SYT14: variants seen among roughly 807,000 people sequenced by gnomAD.
SYT14 encodes synaptotagmin 14.
A neutral mutation model predicts 74.2 loss-of-function variants in SYT14; 32 were observed. That is an observed-to-expected ratio of 0.43 (90% confidence interval 0.33 to 0.58). SYT14 has a LOEUF of 0.58. Ranked by LOEUF, SYT14 falls within the 20% of genes least tolerant of loss-of-function variation. The probability of loss-of-function intolerance (pLI) is 0.05; values close to 1 mark genes in which losing one functional copy is unlikely to be tolerated. For synonymous variants in SYT14, 298 were observed against 337.7 expected (o/e 0.88, Z 1.29); for missense variants, 791 against 981.8 (o/e 0.81, Z 2.60).
intron 1 of SYT14, among the ~76,000 whole-genome samples, chr1:209,950,028 T>G (rs981200831): frequency 6.6e-6 from 1 of 152,160 alleles, no homozygotes; most frequent in South Asian, 2.1e-4. Flanking sequence ...TAGAATGTAG[T>G]AGTTTTTATT....
chr1:209,994,215 AG>A (rs1388682263), intron 2 of SYT14, among the ~76,000 whole-genome samples: 2 of 152,238 alleles, frequency 1.3e-5, no homozygotes, highest in African/African-American at 4.8e-5. Context: ...ATTGAGATTC[AG>A]GAGATAGTTG....
intron 2 of SYT14, among the ~76,000 whole-genome samples, chr1:210,009,810 C>G (rs1050401510): frequency 6.6e-6 from 1 of 152,158 alleles, no homozygotes; most frequent in African/African-American, 2.4e-5. Context: ...CTACTTTCCT[C>G]TTTCCTCCCA....
At chr1:209,995,727 C>T (rs1042462684) in intron 2 of SYT14, among the ~76,000 whole-genome samples, 2 of 152,050 alleles carry the variant, frequency 1.3e-5, no homozygotes, top group South Asian at 2.1e-4. Context: ...CCAGCACCTG[C>T]TCAGTCATAA....
chr1:209,997,321 C>A (rs1175055542), intron 2 of SYT14, among the ~76,000 whole-genome samples: 2 of 151,988 alleles, frequency 1.3e-5, no homozygotes, highest in African/African-American at 2.4e-5. Context: ...TTTCTATACA[C>A]CAATAATGCC....
At chr1:209,966,998 C>T (rs2079167637) in intron 2 of SYT14, among the ~76,000 whole-genome samples, 1 of 150,000 alleles carries the variant, frequency 6.7e-6, no homozygotes, top group Non-Finnish European at 1.5e-5. Context: ...GAGGAACTCC[C>T]TTTTTATTCC....
intron 5 of SYT14, among the ~76,000 whole-genome samples, chr1:210,052,083 A>C (rs2081007061): frequency 6.6e-6 from 1 of 152,232 alleles, no homozygotes; most frequent in Admixed American, 6.5e-5. Context: ...ATTGTTAACA[A>C]TAACTTGTTA....
chr1:210,155,752 T>C (rs2083255789), exon 8 of SYT14: 1 of 1,614,118 alleles, frequency 6.2e-7, no homozygotes, highest in South Asian at 1.1e-5. Context: ...GTGTCAGAAA[T>C]GTCGTGTAGT....
intron 2 of SYT14, among the ~76,000 whole-genome samples, chr1:209,993,946 G>C (rs945978918): frequency 6.6e-6 from 1 of 152,176 alleles, no homozygotes; most frequent in Admixed American, 6.6e-5. Flanking sequence ...AAGTGCAAGT[G>C]TTTACCTAAA....
chr1:210,133,917 G>A (rs1572357694), intron 7 of SYT14, among the ~76,000 whole-genome samples: 2 of 150,642 alleles, frequency 1.3e-5, no homozygotes, highest in South Asian at 2.1e-4. Context: ...AACTCCATAG[G>A]AATGGAGTTG....
rs184993551 is a variant in SYT14, at chr1:209,996,980, A to G, written c.-485-16653A>G. Reference sequence around the variant, plus strand: ...GGAACATACCTCAAAATAATGAGTCATCTATGCCAGACTCATAGCCAACAT... The same window carrying G: ...GGAACATACCTCAAAATAATGAGTCGTCTATGCCAGACTCATAGCCAACAT... On this transcript the variant is annotated intron_variant, in intron 2 of 9. Coordinates refer to ENST00000637265, the Ensembl canonical transcript of SYT14. 1.8e-3 allele frequency among the ~76,000 whole-genome samples: 271 copies of G among 152,156 alleles called. 1 individual carries two copies. The highest frequency in any genetic ancestry group is 6.3e-3 in the African/African-American group (262 of 41,522).
intron 7 of SYT14, among the ~76,000 whole-genome samples, chr1:210,109,304 G>A (rs563547632): frequency 3.3e-5 from 5 of 152,164 alleles, no homozygotes; most frequent in African/African-American, 4.8e-5. Flanking sequence ...AACAGACCGG[G>A]CGCGTTGGCT....
chr1:210,139,053 C>T (rs1023118883), intron 7 of SYT14, among the ~76,000 whole-genome samples: 5 of 150,350 alleles, frequency 3.3e-5, no homozygotes, highest in East Asian at 2.0e-4. Context: ...TGTATTTGAA[C>T]GTGGAATAAG....
intron 6 of SYT14, 63 bp downstream of exon 5, chr1:210,094,656 TCTC>T (rs765268619): frequency 6.4e-7 from 1 of 1,552,854 alleles, no homozygotes; most frequent in Non-Finnish European, 8.9e-7. Context: ...ATCCTGTGCT[TCTC>T]CTCTTGGTAA....
At chr1:210,008,502 T>A (rs147021000) in intron 2 of SYT14, among the ~76,000 whole-genome samples, 1,582 of 152,264 alleles carry the variant, frequency 0.01, 34 homozygotes, top group African/African-American at 0.036. Flanking sequence ...TAGCTGGGAT[T>A]AGAGGTGCCC....
At chr1:210,062,005 A>C (rs1414396960) in intron 5 of SYT14, among the ~76,000 whole-genome samples, 1 of 151,774 alleles carries the variant, frequency 6.6e-6, no homozygotes, top group African/African-American at 2.4e-5. Flanking sequence ...CATTTTTGGC[A>C]TTCCATTGCA....
chr1:209,973,823 A>G (rs1162763551), intron 2 of SYT14, among the ~76,000 whole-genome samples: 1 of 152,204 alleles, frequency 6.6e-6, no homozygotes, highest in East Asian at 1.9e-4. Flanking sequence ...TTACAGTCCC[A>G]CCAACAGTGT....
chr1:209,984,127 C>A (rs2079534138), intron 2 of SYT14, among the ~76,000 whole-genome samples: 1 of 152,210 alleles, frequency 6.6e-6, no homozygotes. Flanking sequence ...GCATCTACAT[C>A]TGTTCTTCAG....
At chr1:209,982,736 T>C (rs2079508466) in intron 2 of SYT14, among the ~76,000 whole-genome samples, 2 of 152,226 alleles carry the variant, frequency 1.3e-5, no homozygotes, top group Admixed American at 1.3e-4. Flanking sequence ...CTGGATCATA[T>C]GGTAAGAATA....
intron 5 of SYT14, among the ~76,000 whole-genome samples, chr1:210,066,095 A>G (rs1022924843): frequency 1.3e-5 from 2 of 151,310 alleles, no homozygotes; most frequent in Non-Finnish European, 3.0e-5. Context: ...CATGGTGTAT[A>G]TGTGCCACAT....
Sources: allele counts gnomAD v4.1 joint callset (sites outside exome capture counted in the v4.1 genomes callset), GRCh38; gene constraint gnomAD v4.1.1; transcripts MANE v1.5; gene names NCBI Gene and HGNC (gene_info 2026-07-23, HGNC 2026-07-21).